RPTOR: variants seen among roughly 807,000 people sequenced by gnomAD.
The protein encoded by RPTOR is regulatory associated protein of MTOR complex 1, also known as regulatory-associated protein of mTOR.
A neutral mutation model predicts 169.9 loss-of-function variants in RPTOR; 21 were observed. The ratio of observed to expected loss-of-function variants is 0.12; its 90% CI spans 0.09 to 0.18. The LOEUF (loss-of-function observed/expected upper bound fraction) is 0.18. Among genes scored for constraint, RPTOR ranks in the 10% least tolerant of loss-of-function variants. RPTOR has a pLI of 1.00. For missense variants in RPTOR, 1,133 were observed against 1,855.9 expected (o/e 0.61, Z 7.16); for synonymous variants, 732 against 753.2 (o/e 0.97, Z 0.46).
intron 4 of RPTOR, among the ~76,000 whole-genome samples, chr17:80,727,520 C>G (rs2066350058): frequency 6.6e-6 from 1 of 151,630 alleles, no homozygotes; most frequent in Non-Finnish European, 1.5e-5. Flanking sequence ...AACGTGGACG[C>G]TGCACCTCTG....
chr17:80,690,986 G>A (rs2065986564), intron 3 of RPTOR, among the ~76,000 whole-genome samples: 1 of 151,982 alleles, frequency 6.6e-6, no homozygotes, highest in African/African-American at 2.4e-5. Context: ...GTAGAAACAG[G>A]GTTTTGCTAT....
chr17:80,852,883 G>A (rs9891538), intron 11 of RPTOR, among the ~76,000 whole-genome samples: 3 of 150,880 alleles, frequency 2.0e-5, no homozygotes, highest in East Asian at 2.0e-4. Flanking sequence ...CCCCTCCCCC[G>A]ATCCTCCACC....
intron 20 of RPTOR, among the ~76,000 whole-genome samples, chr17:80,904,069 C>T (rs2068510052): frequency 6.6e-6 from 1 of 152,238 alleles, no homozygotes; most frequent in Non-Finnish European, 1.5e-5. Context: ...TGCAGACGCA[C>T]CGCCCACCCG....
In RPTOR at chr17:80,822,071, C is replaced by T. The variant is rs1156698060; in HGVS notation, c.891-130C>T. On this transcript the variant is annotated intron_variant, in intron 7 of 33. Coordinates refer to ENST00000306801, the MANE Select transcript of RPTOR (RefSeq NM_020761.3). The stretch of plus-strand genomic sequence containing the variant: ...TTGATTCTCCCTGCCGTGCGCCAAG[C>T]TTCTGCTCAGAGCCTTCCTCCCTCG... 3.8e-6 allele frequency: 3 copies of T among 797,904 alleles called. No homozygotes were observed. In the East Asian group the frequency reaches 7.4e-5, roughly 20 times the overall value. 49.4% of individuals were successfully genotyped at this position (797,904 alleles called of 1,614,324 possible).
chr17:80,694,910 C>A (rs2066023610), intron 3 of RPTOR, among the ~76,000 whole-genome samples: 1 of 152,144 alleles, frequency 6.6e-6, no homozygotes, highest in African/African-American at 2.4e-5. Context: ...AGAGACTCAG[C>A]ACCACGGGCA....
intron 3 of RPTOR, among the ~76,000 whole-genome samples, chr17:80,647,568 C>G (rs1323718882): frequency 1.3e-5 from 2 of 151,182 alleles, no homozygotes; most frequent in Admixed American, 1.3e-4. Flanking sequence ...AAGCAGAGGC[C>G]ACACCTCTTT....
intron 3 of RPTOR, 71 bp downstream of exon 3, chr17:80,643,881 C>T (rs1430216143): frequency 4.4e-5 from 53 of 1,215,252 alleles, no homozygotes; most frequent in Middle Eastern, 4.7e-4. Flanking sequence ...TTCCAACACT[C>T]TTTGGATCCA....
At chr17:80,548,911 A>G (rs987878926) in intron 1 of RPTOR, among the ~76,000 whole-genome samples, 2 of 152,166 alleles carry the variant, frequency 1.3e-5, no homozygotes, top group Non-Finnish European at 2.9e-5. Context: ...TTAATGTGCA[A>G]TTCCATACGC....
intron 3 of RPTOR, among the ~76,000 whole-genome samples, chr17:80,690,882 A>C (rs1184378260): frequency 2.6e-5 from 4 of 151,940 alleles, no homozygotes; most frequent in African/African-American, 9.7e-5. Context: ...GGAGCCTCAA[A>C]TTCTCGGGCC....
At chr17:80,703,195 A>T (rs2143072911) in intron 3 of RPTOR, among the ~76,000 whole-genome samples, 1 of 152,336 alleles carries the variant, frequency 6.6e-6, no homozygotes, top group South Asian at 2.1e-4. Flanking sequence ...GATCTGTGGA[A>T]TTAGACTCCG....
intron 7 of RPTOR, among the ~76,000 whole-genome samples, chr17:80,817,275 T>G (rs1294539992): frequency 6.6e-6 from 1 of 151,506 alleles, no homozygotes; most frequent in Admixed American, 6.6e-5. Flanking sequence ...GGCTCCCAAG[T>G]TTAGGCCTGG....
At chr17:80,577,836 C>A (rs1167714771) in intron 1 of RPTOR, among the ~76,000 whole-genome samples, 2 of 152,194 alleles carry the variant, frequency 1.3e-5, no homozygotes, top group Non-Finnish European at 2.9e-5. Flanking sequence ...AATGGGCTTT[C>A]TTTGTAATCT....
At chr17:80,660,985 T>C (rs2065719144) in intron 3 of RPTOR, among the ~76,000 whole-genome samples, 1 of 152,214 alleles carries the variant, frequency 6.6e-6, no homozygotes, top group Non-Finnish European at 1.5e-5. Context: ...TTGGGGGTTT[T>C]CCTCTCCCTC....
chr17:80,602,669 C>A, intron 1 of RPTOR: 3 of 705,892 alleles, frequency 4.2e-6, no homozygotes, highest in Non-Finnish European at 7.9e-6. Context: ...TGGATAACCA[C>A]GCACGGATGC....
intron 4 of RPTOR, among the ~76,000 whole-genome samples, chr17:80,712,055 A>T (rs7503826): frequency 0.18 from 26,658 of 152,044 alleles, 3,740 homozygotes; most frequent in African/African-American, 0.39. Context: ...TCTTTTTTAA[A>T]ATAATAGACA....
At chr17:80,736,649 T>G (rs973956239) in intron 5 of RPTOR, among the ~76,000 whole-genome samples, 1 of 152,260 alleles carries the variant, frequency 6.6e-6, no homozygotes, top group African/African-American at 2.4e-5. Flanking sequence ...TTCATTTCTT[T>G]GCTACTCTTG....
rs755186013 is a variant in RPTOR at position 80,905,574 on chromosome 17, C to T, written c.2402-3237C>T. On this transcript the variant is annotated intron_variant, in intron 20 of 33. Coordinates refer to ENST00000306801, the MANE Select transcript of RPTOR (RefSeq NM_020761.3). ...TCGCGCTGCTGCACTCCAGCCTGGG[C>T]GACAGAGCGAGACTCTGTCTCAAAA... 2.7e-5 allele frequency among the ~76,000 whole-genome samples: 4 copies of T among 149,094 alleles called. No homozygotes were observed. The East Asian group carries it at 7.9e-4, about 29-fold the overall frequency.
chr17:80,608,765 G>T (rs1391336493), intron 1 of RPTOR, among the ~76,000 whole-genome samples: 1 of 152,166 alleles, frequency 6.6e-6, no homozygotes, highest in Non-Finnish European at 1.5e-5. Flanking sequence ...AGCTGACCGT[G>T]TTGGTCTTGA....
intron 28 of RPTOR, among the ~76,000 whole-genome samples, chr17:80,954,345 C>T (rs1348352016): frequency 1.3e-5 from 2 of 152,214 alleles, no homozygotes; most frequent in Non-Finnish European, 2.9e-5. Flanking sequence ...TGGTCTCGAA[C>T]TCCTGACCTC....
Sources: gnomAD v4.1 joint callset for allele counts (sites outside exome capture counted in the v4.1 genomes callset) on GRCh38, gnomAD v4.1.1 for gene constraint, MANE v1.5 for transcripts, NCBI Gene and HGNC (gene_info 2026-07-23, HGNC 2026-07-21) for gene names.